Variants in ZKSCAN8 observed in about 807,000 individuals in gnomAD.
ZKSCAN8 encodes zinc finger protein with KRAB and SCAN domains 8.
In ZKSCAN8, 27 loss-of-function variants were observed where a neutral mutation model predicts 57.2. The observed-to-expected ratio is 0.47, with a 90% CI of 0.35 to 0.65. The LOEUF (loss-of-function observed/expected upper bound fraction) is 0.65. Ranked by LOEUF, ZKSCAN8 falls within the 30% of genes least tolerant of loss-of-function variation. The pLI is 0.01. For missense variants in ZKSCAN8, 597 were observed against 696.3 expected (o/e 0.86, Z 1.60); for synonymous variants, 214 against 248.7 (o/e 0.86, Z 1.31).
chr6:28,152,304 A>C lies in ZKSCAN8; in HGVS notation c.695A>C (p.Glu232Ala), dbSNP rs1313084097. Residue 232 changes from glutamate (E) to alanine (A), a missense_variant, in exon 5 of 6, where the codon GAG (glutamate) becomes GCG (alanine). Glu to Ala is a moderately radical substitution (Grantham distance 107, BLOSUM62 -1). Coordinates refer to ENST00000330236, the MANE Select transcript of ZKSCAN8 (RefSeq NM_006298.4). Reference sequence around the variant, plus strand: ...GACATGGCTGTGTCCCTTATTCGAGAGGAGTGGCTTCTTGATCCATCACAG... The same window carrying C: ...GACATGGCTGTGTCCCTTATTCGAGCGGAGTGGCTTCTTGATCCATCACAG... ...IEDMAVSLIR[E>A]EWLLDPSQKD... The C allele has an allele frequency of 2.5e-6, 4 of 1,612,926 alleles. No individual in the cohort carries two copies. Among genetic ancestry groups the C allele is most frequent in the Non-Finnish European group, 2.5e-6 (3 of 1,179,732 alleles).
intron 1 of ZKSCAN8, among the ~76,000 whole-genome samples, chr6:28,147,558 T>C (rs2622320): frequency 3.9e-5 from 6 of 152,028 alleles, no homozygotes; most frequent in Non-Finnish European, 5.9e-5. Flanking sequence ...TCATAGTGAT[T>C]AAAAAACAAA....
intron 3 of ZKSCAN8, among the ~76,000 whole-genome samples, chr6:28,151,627 G>A (rs1396125693): frequency 6.6e-6 from 1 of 152,188 alleles, no homozygotes; most frequent in Non-Finnish European, 1.5e-5. Context: ...CTATTTTTGA[G>A]TGTAACTTCA....
rs1264579487 is a variant in ZKSCAN8, at chr6:28,156,063, C to G, written c.*2046C>G. On this transcript the variant is annotated 3_prime_UTR_variant, in exon 6 of 6. Transcript: ENST00000330236. ...CTCTGTGTTTCAGTTGTGCCTTACC[C>G]TCTGTAAGATACTGATTCTTCCTGG... 2.5e-6 allele frequency: 1 copy of G among 397,982 alleles called. No individual in the cohort carries two copies. Among genetic ancestry groups the G allele is most frequent in the Admixed American group, 4.4e-5 (1 of 22,718 alleles). The allele number at this position is 397,982 out of a possible 1,614,324, so 24.7% of individuals were successfully genotyped here. A position where few individuals can be genotyped will look rare whatever the true frequency, so the allele number is the denominator to read the frequency against.
chr6:28,146,742 T>C (rs565530927), intron 1 of ZKSCAN8, among the ~76,000 whole-genome samples: 19 of 152,308 alleles, frequency 1.2e-4, no homozygotes, highest in South Asian at 6.2e-4. Flanking sequence ...CTATTCTGTA[T>C]TGGTGAAAGA....
rs1187716300 is a variant in ZKSCAN8 at position 28,144,914 on chromosome 6, G to A, written c.-93+2885G>A. 2.0e-5 allele frequency among the ~76,000 whole-genome samples: 3 copies of A among 152,168 alleles called. No individual in the cohort carries two copies. Among genetic ancestry groups the A allele is most frequent in the African/African-American group, 4.8e-5 (2 of 41,446 alleles). ...CTACTAAAAATACAAAAAATTAGCC[G>A]GGTGTGGTGGAGGGCGCCTGTAGTC... is the stretch of plus-strand genomic sequence containing the variant. On this transcript the variant is annotated intron_variant, in intron 1 of 5. Coordinates refer to ENST00000330236, the MANE Select transcript of ZKSCAN8 (RefSeq NM_006298.4). This position sits in a 1 kb window ranked among gnomAD's most constrained non-coding sequence, Gnocchi z 4.5.
intron 5 of ZKSCAN8, 70 bp downstream of exon 5, chr6:28,152,454 C>CT: frequency 6.7e-7 from 1 of 1,501,214 alleles, no homozygotes; most frequent in South Asian, 1.4e-5. Context: ...TGTATAGTAG[C>CT]TACAGCCTTT....
At position 28,155,929 on chromosome 6, in the gene ZKSCAN8, T is replaced by C; in HGVS notation, c.*1912T>C. The C allele has an allele frequency of 2.6e-6, 1 of 387,792 alleles. No individual in the cohort carries two copies. Among genetic ancestry groups the C allele is most frequent in the Non-Finnish European group, 4.6e-6 (1 of 219,402 alleles). The allele number at this position is 387,792 out of a possible 1,614,324, so 24.0% of individuals were successfully genotyped here. Reference sequence around the variant, plus strand: ...CTTTCGATTATCCTTTATTTTCTTATCCTCCCTTCTCTTGTTTCTTTTATT... The same window carrying C: ...CTTTCGATTATCCTTTATTTTCTTACCCTCCCTTCTCTTGTTTCTTTTATT... On this transcript the variant is annotated 3_prime_UTR_variant, in exon 6 of 6. Coordinates refer to ENST00000330236, the MANE Select transcript of ZKSCAN8 (RefSeq NM_006298.4).
chr6:28,151,990 T>C, intron 4 of ZKSCAN8, 54 bp downstream of exon 4: 3 of 1,583,124 alleles, frequency 1.9e-6, no homozygotes, highest in Non-Finnish European at 1.7e-6. Flanking sequence ...TCAGTGTTTG[T>C]GGCATCTGCC....
In ZKSCAN8 at chr6:28,157,250, TCA is replaced by T; in HGVS notation, c.*3236_*3237del. The T allele has an allele frequency of 6.6e-6, 1 of 152,268 alleles. No homozygotes were observed. Among genetic ancestry groups the T allele is most frequent in the Middle Eastern group, 3.4e-3 (1 of 294 alleles). The allele number at this position is 152,268 out of a possible 1,614,324, so 9.4% of individuals were successfully genotyped here. ...CCGATCTTGTGAGACTTATTCACTA[TCA>T]CAAGAACAGCACAGGAAAGTTCTGC... On this transcript the variant is annotated 3_prime_UTR_variant, in exon 6 of 6. Transcript: ENST00000330236.
chr6:28,153,536 C>G lies in ZKSCAN8; in HGVS notation c.1256C>G (p.Ala419Gly), dbSNP rs990145539. ...TGTGGGAAGGCTTTCAGTCAGAGTG[C>G]GGGCCTTATTCTGCACCAGAGAATC... ...NQCGKAFSQS[A>G]GLILHQRIHS... Residue 419 changes from alanine to glycine, a missense_variant, in exon 6 of 6, where the codon GCG becomes GGG. By Grantham distance (60) the Ala-to-Gly change is moderately conservative. Transcript: ENST00000330236. 1 of 1,612,414 alleles carries G rather than the reference C, an allele frequency of 6.2e-7. No homozygotes were observed. Among genetic ancestry groups the G allele is most frequent in the Non-Finnish European group, 8.5e-7 (1 of 1,178,564 alleles).
upstream of ZKSCAN8, among the ~76,000 whole-genome samples, chr6:28,141,654 C>A (rs1308833741): frequency 3.3e-5 from 5 of 152,242 alleles, no homozygotes; most frequent in Non-Finnish European, 7.3e-5. Flanking sequence ...CATGGGCACA[C>A]AAGGCGGAGG....
At chr6:28,147,942 A>G in intron 1 of ZKSCAN8, among the ~76,000 whole-genome samples, 1 of 152,252 alleles carries the variant, frequency 6.6e-6, no homozygotes, top group Non-Finnish European at 1.5e-5. Context: ...TGAAGCGTGT[A>G]GAACCAGATT....
intron 2 of ZKSCAN8, among the ~76,000 whole-genome samples, chr6:28,149,099 A>AG (rs1009793081): frequency 2.6e-5 from 4 of 152,168 alleles, no homozygotes; most frequent in African/African-American, 9.7e-5. Context: ...TTAATTTTTC[A>AG]GGGGTATCCA....
intron 3 of ZKSCAN8, among the ~76,000 whole-genome samples, chr6:28,150,841 C>T (rs1765567392): frequency 6.6e-6 from 1 of 152,264 alleles, no homozygotes; most frequent in African/African-American, 2.4e-5. Flanking sequence ...GAGTCTCACT[C>T]TGTCATCCAG....
At chr6:28,148,049 A>T (rs1181133023) in intron 1 of ZKSCAN8, among the ~76,000 whole-genome samples, 1 of 152,190 alleles carries the variant, frequency 6.6e-6, no homozygotes, top group Non-Finnish European at 1.5e-5. Flanking sequence ...CCCAGTCTAC[A>T]TGGTTTCCTG....
In ZKSCAN8 at chr6:28,157,640, A is replaced by G. The variant is rs1278670113; in HGVS notation, c.*3623A>G. The G allele has an allele frequency of 2.0e-5, 3 of 152,164 alleles. No homozygotes were observed. Among genetic ancestry groups the G allele is most frequent in the Non-Finnish European group, 4.4e-5 (3 of 68,032 alleles). The allele number at this position is 152,164 out of a possible 1,614,324, so 9.4% of individuals were successfully genotyped here. A position where few individuals can be genotyped will look rare whatever the true frequency, so the allele number is the denominator to read the frequency against. On this transcript the variant is annotated 3_prime_UTR_variant, in exon 6 of 6. Coordinates refer to ENST00000330236, the MANE Select transcript of ZKSCAN8 (RefSeq NM_006298.4). ...TGCAGTAGAGTGCAAATACATTACAATTACTGGAAAATTGGTGGAAAATGC... is the reference window on the plus strand; with the variant it reads ...TGCAGTAGAGTGCAAATACATTACAGTTACTGGAAAATTGGTGGAAAATGC...
intron 1 of ZKSCAN8, 176 bp downstream of exon 1, chr6:28,142,205 C>T (rs528851010): frequency 6.6e-6 from 1 of 152,326 alleles, no homozygotes; most frequent in Admixed American, 6.5e-5. Flanking sequence ...ACGAATTGCC[C>T]TTGAACTTTT....
chr6:28,144,871 C>T lies in ZKSCAN8; in HGVS notation c.-93+2842C>T, dbSNP rs1352687373. On this transcript the variant is annotated intron_variant, in intron 1 of 5. Coordinates refer to ENST00000330236, the MANE Select transcript of ZKSCAN8 (RefSeq NM_006298.4). The surrounding 1 kb of genome is among the most constrained non-coding windows in gnomAD (Gnocchi z 4.5). ...AGGAGATCGAGACCATCCTGGCTAA[C>T]ACAGTGAAACCCCATCTCTACTAAA... Among the ~76,000 whole-genome samples, 3 of 152,186 alleles carry T rather than the reference C, an allele frequency of 2.0e-5. No individual in the cohort carries two copies. The highest frequency in any genetic ancestry group is 7.2e-5 in the African/African-American group (3 of 41,448).
Position 28,158,333 on chromosome 6 carries a change from T to G in ZKSCAN8, c.*4316T>G, listed in dbSNP as rs537089855. The G allele has an allele frequency of 6.6e-6, 1 of 152,306 alleles. No homozygotes were observed. Among genetic ancestry groups the G allele is most frequent in the African/African-American group, 2.4e-5 (1 of 41,560 alleles). 9.4% of individuals were successfully genotyped at this position (152,306 alleles called of 1,614,324 possible). On this transcript the variant is annotated 3_prime_UTR_variant, in exon 6 of 6. Transcript: ENST00000330236. ...ACTCCTATTTATCCATTTTGATTGT[T>G]TATACCTACTATTTGTATTCGAATG...
Sources: allele counts gnomAD v4.1 joint callset (sites outside exome capture counted in the v4.1 genomes callset), GRCh38; gene constraint gnomAD v4.1.1; non-coding constraint Gnocchi (gnomAD v3.1); transcripts MANE v1.5; gene names NCBI Gene and HGNC (gene_info 2026-07-23, HGNC 2026-07-21).